The following BCAM variants were observed in gnomAD, a reference collection of about 807,000 sequenced individuals.
BCAM encodes basal cell adhesion molecule.
A neutral mutation model predicts 72.4 loss-of-function variants in BCAM; 61 were observed. That is an observed-to-expected ratio of 0.84 (90% confidence interval 0.69 to 1.04). The LOEUF (loss-of-function observed/expected upper bound fraction) is 1.04. Among genes scored for constraint, BCAM ranks in the 50% least tolerant of loss-of-function variants. The pLI, the probability that BCAM is intolerant of heterozygous loss-of-function variation, is 0.00. For synonymous variants in BCAM, 408 were observed against 384.2 expected, an observed-to-expected ratio of 1.06 and a Z score of -0.73; for missense variants, 909 against 895.0, an observed-to-expected ratio of 1.02 and a Z score of -0.20.
Position 44,814,199 on chromosome 19 carries a change from G to A in BCAM, c.832G>A (p.Ala278Thr), listed in dbSNP as rs1230478188. 1.3e-6 allele frequency: 2 copies of A among 1,582,804 alleles called. No individual in the cohort carries two copies. The highest frequency in any genetic ancestry group is 1.4e-5 in the African/African-American group (1 of 73,440). The stretch of plus-strand genomic sequence containing the variant: ...CTGGGTGGGCAGCCCGTCCACCCCA[G>A]CAGGCTGGGTACGCGAGGGTGACAC... ...QFWVGSPSTP[A>T]GWVREGDTVQ... Residue 278 changes from alanine (A) to threonine (T), a missense_variant, in exon 7 of 15, where the codon GCA (alanine) becomes ACA (threonine). Physicochemically the swap from Ala to Thr is moderately conservative, Grantham distance 58. Coordinates refer to ENST00000270233, the MANE Select transcript of BCAM (RefSeq NM_005581.5). The surrounding 1 kb of genome is among the most constrained non-coding windows in gnomAD (Gnocchi z 4.6).
In BCAM at chr19:44,813,252, C is replaced by T. The variant is rs1014808418; in HGVS notation, c.507C>T (p.Ile169=). The T allele has an allele frequency of 6.2e-6, 10 of 1,614,012 alleles. No individual in the cohort carries two copies. Among genetic ancestry groups the T allele is most frequent in the Non-Finnish European group, 7.6e-6 (9 of 1,179,988 alleles). Residue 169 remains isoleucine, a splice_region_variant and synonymous_variant, in exon 5 of 15, where the codon ATC becomes ATT. Transcript: ENST00000270233. The surrounding 1 kb of genome is among the most constrained non-coding windows in gnomAD (Gnocchi z 4.2). ...LSVMEDSAQE[I]ATCNSRNGNP... ...GGCCATGCCCGTGTCTGCCTCAGAT[C>T]GCCACCTGCAACAGCCGGAACGGGA...
Position 44,813,128 on chromosome 19 carries a change from C to T in BCAM, c.505-122C>T, listed in dbSNP as rs945104789. 1 of 1,119,022 alleles carries T rather than the reference C, an allele frequency of 8.9e-7. No homozygotes were observed. Among genetic ancestry groups the T allele is most frequent in the Non-Finnish European group, 1.3e-6 (1 of 777,628 alleles). 69.3% of individuals were successfully genotyped at this position (1,119,022 alleles called of 1,614,324 possible). ...GGACTAGGAATTTGGACTCCTGGGT[C>T]CTGGGAGAGTCGGGAGTTAGGAGCC... On this transcript the variant is annotated intron_variant, in intron 4 of 14. Coordinates refer to ENST00000270233, the MANE Select transcript of BCAM (RefSeq NM_005581.5). This position sits in a 1 kb window ranked among gnomAD's most constrained non-coding sequence, Gnocchi z 4.2.
In BCAM at chr19:44,812,512, A is replaced by C. The variant is rs1380491514; in HGVS notation, c.468A>C (p.Lys156Asn). The C allele has an allele frequency of 1.1e-5, 17 of 1,614,192 alleles. No homozygotes were observed. Among genetic ancestry groups the C allele is most frequent in the Non-Finnish European group, 1.4e-5 (17 of 1,180,022 alleles). ...KPEATEVSPN[K>N]GTLSVMEDSA... ...AGGCCACTGAGGTCTCCCCCAACAA[A>C]GGGACACTGTCTGTGATGGAGGACT... Residue 156 changes from lysine to asparagine, a missense_variant, in exon 4 of 15, where the codon AAA becomes AAC. Coordinates refer to ENST00000270233, the MANE Select transcript of BCAM (RefSeq NM_005581.5). This position sits in a 1 kb window ranked among gnomAD's most constrained non-coding sequence, Gnocchi z 5.3.
At chr19:44,817,882 C>T (rs187800141) in intron 8 of BCAM, among the ~76,000 whole-genome samples, 2 of 152,272 alleles carry the variant, frequency 1.3e-5, no homozygotes, top group East Asian at 1.9e-4. Context: ...TCTAGCTGCT[C>T]AGTGGAGGAT....
chr19:44,821,069 AG>A lies in BCAM; in HGVS notation c.*151del. The A allele has an allele frequency of 1.2e-6, 1 of 855,894 alleles. No individual in the cohort carries two copies. The allele number at this position is 855,894 out of a possible 1,614,324, so 53.0% of individuals were successfully genotyped here. On this transcript the variant is annotated 3_prime_UTR_variant, in exon 15 of 15. Transcript: ENST00000270233. ...CCCTTCCTTCCTCTGCCGGCAAGGC[AG>A]GGACCCACAGTGGCTGCCTGCCTCC...
At chr19:44,810,666 G>C (rs750586183) in intron 1 of BCAM, among the ~76,000 whole-genome samples, 13 of 152,218 alleles carry the variant, frequency 8.5e-5, no homozygotes, top group Non-Finnish European at 1.5e-4. Flanking sequence ...AGGTGGCCCT[G>C]CCCAGGGTGC....
Position 44,811,242 on chromosome 19 carries a change from C to T in BCAM, c.100C>T (p.Arg34Cys), listed in dbSNP as rs762266568. The T allele has an allele frequency of 1.9e-6, 3 of 1,607,768 alleles. No homozygotes were observed. Among genetic ancestry groups the T allele is most frequent in the Admixed American group, 1.7e-5 (1 of 59,978 alleles). Residue 34 changes from arginine to cysteine, a missense_variant, in exon 2 of 15, where the codon CGC becomes TGC. Transcript: ENST00000270233. The part of the protein sequence containing the change: ...AAHPDAQAEV[R>C]LSVPPLVEVM... ...TCTTGCAGATGCCCAGGCGGAGGTG[C>T]GCTTGTCTGTACCCCCGCTGGTGGA...
rs770593355 is a variant in BCAM, at chr19:44,811,206, C to T, written c.83-19C>T. 1.3e-5 allele frequency: 21 copies of T among 1,611,414 alleles called. No individual in the cohort carries two copies. The highest frequency in any genetic ancestry group is 1.7e-5 in the Admixed American group (1 of 59,964). On this transcript the variant is annotated intron_variant, in intron 1 of 14. Coordinates refer to ENST00000270233, the MANE Select transcript of BCAM (RefSeq NM_005581.5). ...TTCCTGTTGGTGTGGTGGATGATAG[C>T]TCAGTTGCTCTCTTGCAGATGCCCA...
In BCAM at chr19:44,818,080, G is replaced by A. The variant is rs1403647519; in HGVS notation, c.1079-442G>A. 6.6e-6 allele frequency among the ~76,000 whole-genome samples: 1 copy of A among 152,170 alleles called. No homozygotes were observed. The highest frequency in any genetic ancestry group is 2.4e-5 in the African/African-American group (1 of 41,452). ...GGTCAAGACAGGAGGATCACTTGAG[G>A]CCAGGAGTTTGAGACCCAGCCTGGC... On this transcript the variant is annotated intron_variant, in intron 8 of 14. Transcript: ENST00000270233. The surrounding 1 kb of genome is among the most constrained non-coding windows in gnomAD (Gnocchi z 4.6).
chr19:44,819,349 G>C lies in BCAM; in HGVS notation c.1477G>C (p.Ala493Pro). The C allele has an allele frequency of 6.2e-7, 1 of 1,614,014 alleles. No homozygotes were observed. The highest frequency in any genetic ancestry group is 1.3e-5 in the African/African-American group (1 of 75,022). ...LSWSQLGGSP[A>P]EPIPGRQGWV... ...GGCCTGATCGGAGCCTCCATAGCCC[G>C]CAGAGCCAATCCCCGGACGGCAGGG... is the stretch of plus-strand genomic sequence containing the variant. The change falls in exon 12 of 15, where the codon GCA (alanine) becomes CCA (proline). Residue 493 changes from alanine (A) to proline (P), a missense_variant. By Grantham distance (27) the Ala-to-Pro change is conservative (BLOSUM62 -1). Coordinates refer to ENST00000270233, the MANE Select transcript of BCAM (RefSeq NM_005581.5).
intron 11 of BCAM, 55 bp from the exon 12 acceptor site, chr19:44,819,291 C>T: frequency 6.2e-7 from 1 of 1,612,400 alleles, no homozygotes; most frequent in Non-Finnish European, 8.5e-7. Context: ...TTCACCTCTG[C>T]CCTTGACCCC....
Position 44,813,218 on chromosome 19 carries a change from C to G in BCAM, c.505-32C>G, listed in dbSNP as rs764689277. On this transcript the variant is annotated intron_variant, in intron 4 of 14. Transcript: ENST00000270233. The surrounding 1 kb of genome is among the most constrained non-coding windows in gnomAD (Gnocchi z 4.2). ...AGCCCCGACTTCAGAGTCCCAGCTC[C>G]AAGCCCAGGGCCATGCCCGTGTCTG... 2 of 1,610,990 alleles carry G rather than the reference C, an allele frequency of 1.2e-6. No homozygotes were observed. Among genetic ancestry groups the G allele is most frequent in the African/African-American group, 2.7e-5 (2 of 74,844 alleles).
rs754292035 is a variant in BCAM, at chr19:44,814,720, T to G, written c.1038T>G (p.Asp346Glu). 2 of 1,613,646 alleles carry G rather than the reference T, an allele frequency of 1.2e-6. No homozygotes were observed. The highest frequency in any genetic ancestry group is 4.5e-5 in the East Asian group (2 of 44,878). The change falls in exon 8 of 15, where the codon GAT (aspartate) becomes GAG (glutamate). Residue 346 changes from aspartate to glutamate, a missense_variant. By Grantham distance (45) the Asp-to-Glu change is conservative. Transcript: ENST00000270233. The surrounding 1 kb of genome is among the most constrained non-coding windows in gnomAD (Gnocchi z 4.6). ...GCRVEDYDAA[D>E]DVQLSKTLEL... ...GAGTGGAGGATTACGACGCGGCAGA[T>G]GACGTGCAGCTCTCCAAGACGCTGG...
In BCAM at chr19:44,819,674, G is replaced by A. The variant is rs372955312; in HGVS notation, c.1711G>A (p.Val571Met). 20 of 1,613,032 alleles carry A rather than the reference G, an allele frequency of 1.2e-5. No homozygotes were observed. The African/African-American group carries it at 1.9e-4, about 15-fold the overall frequency. ...LLLVVAVFYC[V>M]RRKGGPCCRQ... ...CCTCGTCGTTGCTGTCTTCTACTGC[G>A]TGAGACGCAAAGGGGGCCCCTGCTG... Residue 571 changes from valine (V) to methionine (M), a missense_variant, in exon 13 of 15, where the codon GTG becomes ATG. Val to Met is a conservative substitution (Grantham distance 21). Transcript: ENST00000270233.
At position 44,819,005 on chromosome 19, in the gene BCAM, C is replaced by T. The variant is rs752761963; in HGVS notation, c.1337-51C>T. The stretch of plus-strand genomic sequence containing the variant: ...CCATCTTCTGCTCGATGCCTCTCTT[C>T]TCTCTCTCTCTCCTCTCCCTTCACT... On this transcript the variant is annotated intron_variant, in intron 10 of 14. Coordinates refer to ENST00000270233, the MANE Select transcript of BCAM (RefSeq NM_005581.5). 5 of 1,529,876 alleles carry T rather than the reference C, an allele frequency of 3.3e-6. No homozygotes were observed. In the Admixed American group the frequency reaches 7.2e-5, roughly 22 times the overall value. 94.8% of individuals were successfully genotyped at this position (1,529,876 alleles called of 1,614,324 possible).
Position 44,814,422 on chromosome 19 carries a change from G to T in BCAM, c.921+134G>T. 4 of 1,424,736 alleles carry T rather than the reference G, an allele frequency of 2.8e-6. 1 individual carries two copies. The South Asian group carries it at 5.7e-5, about 20-fold the overall frequency. 88.3% of individuals were successfully genotyped at this position (1,424,736 alleles called of 1,614,324 possible). A position where few individuals can be genotyped will look rare whatever the true frequency, so the allele number is the denominator to read the frequency against. On this transcript the variant is annotated intron_variant, in intron 7 of 14. Transcript: ENST00000270233. The surrounding 1 kb of genome is among the most constrained non-coding windows in gnomAD (Gnocchi z 4.6). The stretch of plus-strand genomic sequence containing the variant: ...GCAGCCACCTGATCTGGTGGCCCAC[G>T]AACTAAAAGGACCTCTGACCCCTGA...
intron 1 of BCAM, among the ~76,000 whole-genome samples, chr19:44,809,868 GGGGGGT>G (rs1362877436): frequency 6.9e-6 from 1 of 145,368 alleles, no homozygotes; most frequent in Non-Finnish European, 1.6e-5. Context: ...GCCGGGGGCT[GGGGGGT>G]GGGGGTGGGG....
intron 8 of BCAM, among the ~76,000 whole-genome samples, chr19:44,816,722 T>A (rs1968507443): frequency 1.3e-5 from 2 of 151,044 alleles, no homozygotes; most frequent in Non-Finnish European, 2.9e-5. Flanking sequence ...GTGGATCACC[T>A]GAGGTCAGGA....
intron 13 of BCAM, chr19:44,820,372 TC>T: frequency 9.2e-7 from 1 of 1,087,170 alleles, no homozygotes; most frequent in Non-Finnish European, 1.1e-6. Context: ...CCCCTAAGCC[TC>T]CCCAAGCTCC....
Sources: allele counts gnomAD v4.1 joint callset (sites outside exome capture counted in the v4.1 genomes callset), GRCh38; gene constraint gnomAD v4.1.1; non-coding constraint Gnocchi (gnomAD v3.1); transcripts MANE v1.5; gene names NCBI Gene and HGNC (gene_info 2026-07-23, HGNC 2026-07-21).